Variants in GRM7 observed in about 807,000 individuals in gnomAD.
GRM7 encodes the protein glutamate metabotropic receptor 7, also known as metabotropic glutamate receptor 7.
Under a neutral mutation model 84.5 loss-of-function variants are expected in GRM7, and 35 were observed. The ratio of observed to expected loss-of-function variants is 0.41; its 90% CI spans 0.32 to 0.55. GRM7 has a LOEUF of 0.55. Ranked by LOEUF, GRM7 falls within the 20% of genes least tolerant of loss-of-function variation. The pLI, the probability that GRM7 is intolerant of heterozygous loss-of-function variation, is 0.19. For synonymous variants in GRM7, 487 were observed against 455.1 expected, an observed-to-expected ratio of 1.07 and a Z score of -0.89; for missense variants, 1,003 against 1,194.6, an observed-to-expected ratio of 0.84 and a Z score of 2.36.
chr3:7,703,696 T>C (rs957430615), intron 9 of GRM7, among the ~76,000 whole-genome samples: 7 of 152,188 alleles, frequency 4.6e-5, no homozygotes, highest in Admixed American at 2.0e-4. Context: ...ATACTGAGCA[T>C]TTTACAAAGA....
At chr3:6,865,346 T>C (rs1007488757) in intron 1 of GRM7, among the ~76,000 whole-genome samples, 5 of 152,218 alleles carry the variant, frequency 3.3e-5, no homozygotes, top group African/African-American at 1.2e-4. Context: ...CACTGTCTTA[T>C]GGGCAATAAG....
At position 6,927,467 on chromosome 3, in the gene GRM7, A is replaced by AAAGAAAGAAAGAAAGAT. The variant is rs1559333306; in HGVS notation, c.519+65561_519+65562insAGAAAGAAAGAAAGATA. 6.9e-4 allele frequency among the ~76,000 whole-genome samples: 29 copies of AAAGAAAGAAAGAAAGAT among 41,776 alleles called. 1 individual carries two copies. The highest frequency in any genetic ancestry group is 1.1e-3 in the South Asian group (1 of 892). The allele number at this position is 41,776 out of a possible 152,430, so 27.4% of individuals were successfully genotyped here. On this transcript the variant is annotated intron_variant, in intron 1 of 9. Transcript: ENST00000357716. Reference sequence around the variant, plus strand: ...AAGAGAAGAAAGAAAGAGAGAGAGAAAGAAAGAAAGAAAGAAAGAAAGAAA... The same window carrying AAAGAAAGAAAGAAAGAT: ...AAGAGAAGAAAGAAAGAGAGAGAGAAAAGAAAGAAAGAAAGATAGAAAGAAAGAAAGAAAGAAAGAAA...
chr3:7,263,911 G>A lies in GRM7; in HGVS notation c.737-34773G>A, dbSNP rs376320306. 5.8e-4 allele frequency among the ~76,000 whole-genome samples: 89 copies of A among 152,232 alleles called. 4 individuals are homozygous for A. In the South Asian group the frequency reaches 0.014, roughly 23 times the overall value. On this transcript the variant is annotated intron_variant, in intron 2 of 9. Transcript: ENST00000357716. Reference sequence around the variant, plus strand: ...AGGCAAGGTCTGCCTGCATACACACGTGCCAGCAAAGTGATGTGGGGGGTG... The same window carrying A: ...AGGCAAGGTCTGCCTGCATACACACATGCCAGCAAAGTGATGTGGGGGGTG...
chr3:7,361,382 TG>T (rs1485791120), intron 4 of GRM7, among the ~76,000 whole-genome samples: 3 of 152,154 alleles, frequency 2.0e-5, no homozygotes, highest in Non-Finnish European at 4.4e-5. Context: ...GGGACATCTT[TG>T]CTTTATGTCC....
chr3:7,218,310 T>A (rs1182385927), intron 2 of GRM7, among the ~76,000 whole-genome samples: 1 of 152,156 alleles, frequency 6.6e-6, no homozygotes, highest in Non-Finnish European at 1.5e-5. Context: ...TGAAAACCTG[T>A]TTGGCAATAA....
intron 5 of GRM7, among the ~76,000 whole-genome samples, chr3:7,442,106 A>G (rs969964318): frequency 1.3e-5 from 2 of 151,796 alleles, no homozygotes; most frequent in African/African-American, 2.4e-5. Context: ...GATTCTTCCT[A>G]TTCATGGACA....
intron 2 of GRM7, among the ~76,000 whole-genome samples, chr3:7,241,352 A>G (rs577832043): frequency 3.3e-5 from 5 of 152,262 alleles, no homozygotes; most frequent in South Asian, 2.1e-4. Context: ...CGTTAATGCT[A>G]TGTACATGCC....
rs1491399036 is a variant in GRM7, at chr3:7,075,496, A to ACGTG, written c.520-70956_520-70955insCGTG. Among the ~76,000 whole-genome samples, 262 of 138,586 alleles carry ACGTG rather than the reference A, an allele frequency of 1.9e-3. 4 individuals are homozygous for ACGTG. Among genetic ancestry groups the ACGTG allele is most frequent in the South Asian group, 4.9e-3 (20 of 4,094 alleles). 90.9% of individuals were successfully genotyped at this position (138,586 alleles called of 152,430 possible). A position where few individuals can be genotyped will look rare whatever the true frequency, so the allele number is the denominator to read the frequency against. ...CTATCCAAAACTTCTTGCTTCTCAG[A>ACGTG]TGTGTGTGTGTGTGTGTGTGTGTGT... On this transcript the variant is annotated intron_variant, in intron 1 of 9. Coordinates refer to ENST00000357716, the MANE Select transcript of GRM7 (RefSeq NM_000844.4).
intron 1 of GRM7, among the ~76,000 whole-genome samples, chr3:6,871,171 T>C (rs1290773687): frequency 6.6e-6 from 1 of 152,156 alleles, no homozygotes; most frequent in Non-Finnish European, 1.5e-5. Context: ...ATTATTCTGG[T>C]CAGACACCAT....
intron 2 of GRM7, among the ~76,000 whole-genome samples, chr3:7,261,963 CTTCT>C (rs1038074887): frequency 3.5e-5 from 5 of 141,866 alleles, no homozygotes; most frequent in African/African-American, 1.3e-4. Flanking sequence ...TGTTTTCTTT[CTTCT>C]TTCTTTCGTT....
At chr3:7,223,900 C>A (rs60860511) in intron 2 of GRM7, among the ~76,000 whole-genome samples, 1 of 152,234 alleles carries the variant, frequency 6.6e-6, no homozygotes, top group Non-Finnish European at 1.5e-5. Context: ...TTCTATCACT[C>A]ACTTTTCTTG....
chr3:7,463,886 T>A (rs1251023386), intron 7 of GRM7, among the ~76,000 whole-genome samples: 2 of 152,110 alleles, frequency 1.3e-5, no homozygotes, highest in Non-Finnish European at 2.9e-5. Flanking sequence ...AGCAAGGAAG[T>A]GAGGGAGTGG....
chr3:7,000,535 T>G (rs1459470746), intron 1 of GRM7, among the ~76,000 whole-genome samples: 1 of 152,066 alleles, frequency 6.6e-6, no homozygotes, highest in African/African-American at 2.4e-5. Context: ...CAAAGTGTAA[T>G]AGGAAAAACA....
At chr3:7,025,609 T>A (rs1485934465) in intron 1 of GRM7, among the ~76,000 whole-genome samples, 1 of 152,156 alleles carries the variant, frequency 6.6e-6, no homozygotes, top group African/African-American at 2.4e-5. Flanking sequence ...GCAGGTTTTT[T>A]AAGAACAGAA....
At chr3:7,127,996 A>G (rs541447286) in intron 1 of GRM7, among the ~76,000 whole-genome samples, 4 of 152,192 alleles carry the variant, frequency 2.6e-5, no homozygotes, top group Admixed American at 6.5e-5. Context: ...CGAGTAGGAA[A>G]CACACACTAT....
At position 7,612,046 on chromosome 3, in the gene GRM7, T is replaced by TC. The variant is rs373260004; in HGVS notation, c.2451+32690dup. ...TAACCTCTCAGATTTCTCCTGTATC[T>TC]CTATGGTTTTACTAGATGCCTTCTC... On this transcript the variant is annotated intron_variant, in intron 8 of 9. Coordinates refer to ENST00000357716, the MANE Select transcript of GRM7 (RefSeq NM_000844.4). Among the ~76,000 whole-genome samples the TC allele has an allele frequency of 2.8e-3, 430 of 152,284 alleles. 1 individual carries two copies. The highest frequency in any genetic ancestry group is 9.8e-3 in the African/African-American group (407 of 41,554).
At chr3:7,532,388 A>G (rs1399118935) in intron 7 of GRM7, among the ~76,000 whole-genome samples, 1 of 151,964 alleles carries the variant, frequency 6.6e-6, no homozygotes, top group Non-Finnish European at 1.5e-5. Flanking sequence ...TTTCTTCTAG[A>G]TTTCCTAGTT....
rs147533008 is a variant in GRM7, at chr3:7,171,302, A to G, written c.736+24634A>G. Among the ~76,000 whole-genome samples the G allele has an allele frequency of 3.3e-5, 5 of 152,142 alleles. 1 individual carries two copies. Among genetic ancestry groups the G allele is most frequent in the African/African-American group, 7.2e-5 (3 of 41,514 alleles). ...TTTGTGTCCAAATGTCCCCCTTTTTATAAGGATATCATGCATTCCAGATTA... is the reference window on the plus strand; with the variant it reads ...TTTGTGTCCAAATGTCCCCCTTTTTGTAAGGATATCATGCATTCCAGATTA... On this transcript the variant is annotated intron_variant, in intron 2 of 9. Transcript: ENST00000357716.
chr3:6,887,853 T>G (rs1173861304), intron 1 of GRM7, among the ~76,000 whole-genome samples: 1 of 152,350 alleles, frequency 6.6e-6, no homozygotes, highest in African/African-American at 2.4e-5. Flanking sequence ...GCCAACAATG[T>G]AAAAGCATTC....
Sources: gnomAD v4.1 joint callset for allele counts (sites outside exome capture counted in the v4.1 genomes callset) on GRCh38, gnomAD v4.1.1 for gene constraint, MANE v1.5 for transcripts, NCBI Gene and HGNC (gene_info 2026-07-23, HGNC 2026-07-21) for gene names.